The following MTO1 variants were observed in gnomAD, a reference collection of about 807,000 sequenced individuals.
MTO1 encodes mitochondrial tRNA translation optimization 1.
Under a neutral mutation model 71.6 loss-of-function variants are expected in MTO1, and 46 were observed. The ratio of observed to expected loss-of-function variants is 0.64; its 90% CI spans 0.51 to 0.82. MTO1 has a LOEUF of 0.82. Ranked by LOEUF, MTO1 falls within the 40% of genes least tolerant of loss-of-function variation. The pLI is 0.00. For synonymous variants in MTO1, 297 were observed against 312.1 expected (o/e 0.95, Z 0.51); for missense variants, 773 against 867.5 (o/e 0.89, Z 1.37).
intron 9 of MTO1, among the ~76,000 whole-genome samples, chr6:73,490,965 T>G (rs1437896780): frequency 6.6e-6 from 1 of 152,186 alleles, no homozygotes; most frequent in Non-Finnish European, 1.5e-5. Flanking sequence ...TAAACACAGC[T>G]GAAGTTTTGC....
At chr6:73,497,255 C>T (rs1267368205) in intron 10 of MTO1, among the ~76,000 whole-genome samples, 1 of 149,686 alleles carries the variant, frequency 6.7e-6, no homozygotes, top group Non-Finnish European at 1.5e-5. Context: ...GGGGTTCAAG[C>T]AATTCTCCTG....
rs755759426 is a variant in MTO1 at position 73,505,882 on chromosome 6, T to C, written c.*5147T>C. 6.6e-6 allele frequency: 1 copy of C among 151,654 alleles called. No homozygotes were observed. Among genetic ancestry groups the C allele is most frequent in the Non-Finnish European group, 1.5e-5 (1 of 67,934 alleles). 9.4% of individuals were successfully genotyped at this position (151,654 alleles called of 1,614,324 possible). Reference sequence around the variant, plus strand: ...TTCAAGTTTTGCAAGATGAAAAGAGTTCTGGAGATGGTTGATGGTGATGGT... The same window carrying C: ...TTCAAGTTTTGCAAGATGAAAAGAGCTCTGGAGATGGTTGATGGTGATGGT... On this transcript the variant is annotated 3_prime_UTR_variant, in exon 12 of 12. Transcript: ENST00000498286.
intron 1 of MTO1, 37 bp from the exon 2 acceptor site, chr6:73,466,172 C>G: frequency 3.9e-6 from 6 of 1,535,590 alleles, no homozygotes; most frequent in Non-Finnish European, 5.4e-6. Flanking sequence ...GTGCAAGGTG[C>G]TCATATATTT....
At chr6:73,466,682 G>A (rs1771007968) in intron 3 of MTO1, 76 bp downstream of exon 3, 7 of 1,280,898 alleles carry the variant, frequency 5.5e-6, no homozygotes, top group Non-Finnish European at 7.9e-6. Flanking sequence ...AGAGCAAAGT[G>A]TGGAGATATG....
At chr6:73,470,708 C>T (rs1771135247) in intron 3 of MTO1, among the ~76,000 whole-genome samples, 1 of 152,100 alleles carries the variant, frequency 6.6e-6, no homozygotes, top group Non-Finnish European at 1.5e-5. Context: ...AATCCCAGCA[C>T]TTTGGAAGGC....
chr6:73,465,775 T>G (rs1393099676), intron 1 of MTO1, among the ~76,000 whole-genome samples: 1 of 151,940 alleles, frequency 6.6e-6, no homozygotes, highest in Non-Finnish European at 1.5e-5. Flanking sequence ...TCACCTGAGG[T>G]CAGGAGTTTG....
intron 9 of MTO1, among the ~76,000 whole-genome samples, chr6:73,485,985 G>C (rs1370039578): frequency 6.6e-6 from 1 of 152,132 alleles, no homozygotes; most frequent in Admixed American, 6.6e-5. Context: ...ACAGAGAAAT[G>C]TATTGATGTG....
intron 11 of MTO1, 119 bp downstream of exon 11, chr6:73,498,015 TC>T (rs1295375115): frequency 1.1e-6 from 1 of 916,350 alleles, no homozygotes; most frequent in African/African-American, 1.7e-5. Flanking sequence ...ATAAGAAACT[TC>T]CAGCATGGGC....
rs773306512 is a variant in MTO1 at position 73,461,878 on chromosome 6, C to T, written c.24C>T (p.Gly8=). The T allele has an allele frequency of 5.6e-6, 9 of 1,613,786 alleles. No individual in the cohort carries two copies. In the African/African-American group the frequency reaches 8.0e-5, roughly 14 times the overall value. Residue 8 remains glycine, a synonymous_variant, in exon 1 of 12, where the codon GGC becomes GGT. Transcript: ENST00000498286. ...GCATGTTCTACTTCCGAGGCTGTGG[C>T]CGTTGGGTCGCGGTTTCCTTCACCA... MFYFRGC[G]RWVAVSFTKQ...
At position 73,507,913 on chromosome 6, in the gene MTO1, C is replaced by T. The variant is rs1393356508; in HGVS notation, c.*7178C>T. The T allele has an allele frequency of 1.4e-5, 2 of 147,032 alleles. No homozygotes were observed. Among genetic ancestry groups the T allele is most frequent in the South Asian group, 4.3e-4 (2 of 4,614 alleles). The allele number at this position is 147,032 out of a possible 1,614,324, so 9.1% of individuals were successfully genotyped here. ...AATGGCGTGAAGCCAGGAGGCGGAG[C>T]TTGCAATGAGCCGAGATCGCGCCAC... is the stretch of plus-strand genomic sequence containing the variant. On this transcript the variant is annotated 3_prime_UTR_variant, in exon 12 of 12. Coordinates refer to ENST00000498286, the MANE Select transcript of MTO1 (RefSeq NM_012123.4).
rs780534174 is a variant in MTO1 at position 73,473,385 on chromosome 6, G to A, written c.556G>A (p.Ala186Thr). 4 of 1,613,902 alleles carry A rather than the reference G, an allele frequency of 2.5e-6. No homozygotes were observed. Among genetic ancestry groups the A allele is most frequent in the Middle Eastern group, 1.6e-4 (1 of 6,062 alleles). ...VVLVDGSTVY[A>T]ESVILTTGTF... ...TTTAGTGGATGGAAGCACAGTATAT[G>A]CAGAGAGTGTGATTCTGACTACTGG... The change falls in exon 4 of 12, where the codon GCA (alanine) becomes ACA (threonine). Residue 186 changes from alanine (A) to threonine (T), a missense_variant. Coordinates refer to ENST00000498286, the MANE Select transcript of MTO1 (RefSeq NM_012123.4).
chr6:73,479,512 A>G (rs1446162257), intron 4 of MTO1, among the ~76,000 whole-genome samples: 1 of 152,058 alleles, frequency 6.6e-6, no homozygotes, highest in Non-Finnish European at 1.5e-5. Context: ...AAAAACATTA[A>G]AAAAAAATTA....
rs1770834790 is a variant in MTO1 at position 73,462,035 on chromosome 6, C to T, written c.181C>T (p.Arg61Trp). The change falls in exon 1 of 12, where the codon CGG (arginine) becomes TGG (tryptophan). Residue 61 changes from arginine (R) to tryptophan (W), a missense_variant. Transcript: ENST00000498286. ...CACCGCCGCCGCTCGGTGCGGCTCT[C>T]GGACTCTGCTCCTCACTCACCGCGT... ...AATAAARCGS[R>W]TLLLTHRVDT... 6.2e-7 allele frequency: 1 copy of T among 1,613,994 alleles called. No individual in the cohort carries two copies. The highest frequency in any genetic ancestry group is 8.5e-7 in the Non-Finnish European group (1 of 1,179,972).
At chr6:73,496,984 G>A (rs1054509137) in intron 10 of MTO1, among the ~76,000 whole-genome samples, 14 of 151,050 alleles carry the variant, frequency 9.3e-5, no homozygotes, top group Non-Finnish European at 1.8e-4. Context: ...AACCTGGGAC[G>A]TGGAGGTTGC....
In MTO1 at chr6:73,502,160, G is replaced by C. The variant is rs756829975; in HGVS notation, c.*1425G>C. 6.6e-6 allele frequency: 1 copy of C among 152,134 alleles called. No individual in the cohort carries two copies. The highest frequency in any genetic ancestry group is 2.4e-5 in the African/African-American group (1 of 41,442). 9.4% of individuals were successfully genotyped at this position (152,134 alleles called of 1,614,324 possible). ...CCACATTGTGTATATATTTTGAAAA[G>C]AGGCTGGTTGCAGCAGCTCACGCCT... On this transcript the variant is annotated 3_prime_UTR_variant, in exon 12 of 12. Coordinates refer to ENST00000498286, the MANE Select transcript of MTO1 (RefSeq NM_012123.4).
intron 4 of MTO1, among the ~76,000 whole-genome samples, chr6:73,477,911 C>T (rs185507508): frequency 2.5e-4 from 38 of 151,982 alleles, no homozygotes; most frequent in African/African-American, 8.9e-4. Context: ...TTAATGGTGC[C>T]GACATTTTTG....
At chr6:73,487,775 A>G (rs896085114) in intron 9 of MTO1, 3 of 151,530 alleles carry the variant, frequency 2.0e-5, no homozygotes, top group Admixed American at 2.0e-4. Flanking sequence ...TGGAGACCCA[A>G]TCAGCGTAGA....
Position 73,482,248 on chromosome 6 carries a change from ACT to A in MTO1, c.1465+7_1465+8del, listed in dbSNP as rs1561947162. On this transcript the variant is annotated splice_donor_5th_base_variant and intron_variant, in intron 8 of 11. Transcript: ENST00000498286. ...GACAGCCGGCTCACACTGCGAGGTA[ACT>A]CTTTCCTGAGTCCTGCAATCCAGCC... 1 of 1,613,754 alleles carries A rather than the reference ACT, an allele frequency of 6.2e-7. No individual in the cohort carries two copies. Among genetic ancestry groups the A allele is most frequent in the Admixed American group, 1.7e-5 (1 of 59,978 alleles).
At chr6:73,470,811 G>A (rs1771141368) in intron 3 of MTO1, among the ~76,000 whole-genome samples, 1 of 152,158 alleles carries the variant, frequency 6.6e-6, no homozygotes, top group South Asian at 2.1e-4. Context: ...AAATTAGCCA[G>A]GCATGATGGC....
Sources: gnomAD v4.1 joint callset for allele counts (sites outside exome capture counted in the v4.1 genomes callset) on GRCh38, gnomAD v4.1.1 for gene constraint, MANE v1.5 for transcripts, NCBI Gene and HGNC (gene_info 2026-07-23, HGNC 2026-07-21) for gene names.